CDKL5: variants seen among roughly 807,000 people sequenced by gnomAD.
The protein encoded by CDKL5 is cyclin dependent kinase like 5.
CDKL5 carries 8 observed loss-of-function variants against 61.7 expected under a neutral mutation model. The observed-to-expected ratio is 0.13, with a 90% CI of 0.08 to 0.23. The LOEUF is 0.23. Among genes scored for constraint, CDKL5 ranks in the 10% least tolerant of loss-of-function variants. CDKL5 has a pLI of 1.00. For synonymous variants in CDKL5, 275 were observed against 272.3 expected, an observed-to-expected ratio of 1.01 and a Z score of -0.10; for missense variants, 440 against 734.5, an observed-to-expected ratio of 0.60 and a Z score of 4.63.
intron 8 of CDKL5, among the ~76,000 whole-genome samples, chrX:18,585,750 C>T (rs1278999444): frequency 8.9e-6 from 1 of 111,912 alleles, no homozygotes; most frequent in African/African-American, 3.2e-5. Context: ...CACCCAAAAA[C>T]AGATAATTTA....
chrX:18,615,249 G>A (rs747434813), intron 15 of CDKL5, among the ~76,000 whole-genome samples: 3 of 111,314 alleles, frequency 2.7e-5, no homozygotes, highest in African/African-American at 9.8e-5. Flanking sequence ...TTCCTTCATC[G>A]CATCTCACTT....
At chrX:18,648,236 CCTT>C (rs1345236564) in intron 20 of CDKL5, among the ~76,000 whole-genome samples, 7 of 109,063 alleles carry the variant, frequency 6.4e-5, no homozygotes, top group Non-Finnish European at 1.1e-4. Flanking sequence ...TTCATTCTCC[CCTT>C]CTTCTCCTTT....
At chrX:18,477,666 C>T (rs1042151768) in intron 1 of CDKL5, among the ~76,000 whole-genome samples, 3 of 111,017 alleles carry the variant, frequency 2.7e-5, no homozygotes, top group African/African-American at 9.8e-5. Context: ...TCAGAATCTA[C>T]TTCAGATGTA....
intron 1 of CDKL5, among the ~76,000 whole-genome samples, chrX:18,444,730 T>G (rs1931833274): frequency 8.9e-6 from 1 of 112,992 alleles, no homozygotes; most frequent in Non-Finnish European, 1.9e-5. Context: ...TTTGGACATT[T>G]AAAAATATAG....
At chrX:18,507,352 C>T (rs1401985322) in intron 2 of CDKL5, among the ~76,000 whole-genome samples, 192 bp downstream of exon 2, 1 of 110,424 alleles carries the variant, frequency 9.1e-6, no homozygotes, top group African/African-American at 3.3e-5. Flanking sequence ...AAATTAATAA[C>T]TTTTTAAAAC....
intron 1 of CDKL5, among the ~76,000 whole-genome samples, chrX:18,484,144 A>C (rs1432392981): frequency 8.9e-6 from 1 of 112,070 alleles, no homozygotes; most frequent in Non-Finnish European, 1.9e-5. Context: ...CAGATTCTGG[A>C]TTCCCTGAAA....
chrX:18,559,669 C>T (rs1372073213), intron 3 of CDKL5, among the ~76,000 whole-genome samples: 17 of 101,414 alleles, frequency 1.7e-4, no homozygotes, highest in Non-Finnish European at 4.0e-5. Flanking sequence ...TTTTAGGGTA[C>T]ATGTGCACAA....
In CDKL5 at chrX:18,576,625, TA is replaced by T. The variant is rs977101301; in HGVS notation, c.282+1147del. ...AGCCTTTACAAATTGTTTTTTGAAA[TA>T]AAAAAAAAAAATACATGTAATAATT... is the stretch of plus-strand genomic sequence containing the variant. On this transcript the variant is annotated intron_variant, in intron 5 of 17. Coordinates refer to ENST00000623535, the MANE Select transcript of CDKL5 (RefSeq NM_001323289.2). Among the ~76,000 whole-genome samples the T allele has an allele frequency of 5.3e-3, 532 of 100,625 alleles. 2 individuals are homozygous for T. The Middle Eastern group carries it at 0.055, about 10-fold the overall frequency. 87.4% of individuals were successfully genotyped at this position (100,625 alleles called of 115,157 possible). A position where few individuals can be genotyped will look rare whatever the true frequency, so the allele number is the denominator to read the frequency against.
chrX:18,536,594 C>T (rs1312231608), intron 3 of CDKL5, among the ~76,000 whole-genome samples: 1 of 107,615 alleles, frequency 9.3e-6, no homozygotes, highest in African/African-American at 3.4e-5. Context: ...TATAGACGTG[C>T]GCCACCACCC....
At chrX:18,589,852 C>T (rs1328506188) in intron 9 of CDKL5, 4 of 112,829 alleles carry the variant, frequency 3.5e-5, no homozygotes, top group African/African-American at 1.3e-4. Context: ...GATGGTATCT[C>T]ATTGTGGTTT....
chrX:18,509,095 C>T (rs12400448), intron 2 of CDKL5, among the ~76,000 whole-genome samples: 887 of 77,443 alleles, frequency 0.011, 2 homozygotes, highest in Non-Finnish European at 0.02. Context: ...TCTCAAAACA[C>T]ACACACACAC....
chrX:18,581,478 G>T (rs756270911), intron 6 of CDKL5, among the ~76,000 whole-genome samples: 2 of 111,781 alleles, frequency 1.8e-5, no homozygotes, highest in Non-Finnish European at 3.8e-5. Context: ...TAAATATAAT[G>T]CTAGCTACTT....
chrX:18,551,559 CATTATTATTATTATTATTATT>C (rs10659381), intron 3 of CDKL5, among the ~76,000 whole-genome samples: 3 of 80,951 alleles, frequency 3.7e-5, no homozygotes, highest in Non-Finnish European at 4.7e-5. Flanking sequence ...GATACCTTGA[CATTATTATTATTATTATTATT>C]ATTATTATTA....
chrX:18,543,166 A>C (rs1315091590), intron 3 of CDKL5, among the ~76,000 whole-genome samples: 1 of 110,149 alleles, frequency 9.1e-6, no homozygotes, highest in East Asian at 2.8e-4. Context: ...CCATTGCTGC[A>C]GTTTTTCCAT....
Position 18,631,913 on chromosome X carries a change from C to G in CDKL5, c.*3156C>G. On this transcript the variant is annotated 3_prime_UTR_variant, in exon 18 of 18. Transcript: ENST00000623535. ...TTCTCAACTAGGGGCAGATTTACCC[C>G]CAAGGGTACATTTGGCAATGTCTGG... The G allele has an allele frequency of 6.9e-6, 5 of 727,659 alleles. No homozygotes were observed. The highest frequency in any genetic ancestry group is 8.1e-6 in the Non-Finnish European group (5 of 615,071). 60.0% of individuals were successfully genotyped at this position (727,659 alleles called of 1,213,427 possible).
At chrX:18,536,687 C>G (rs763746806) in intron 3 of CDKL5, among the ~76,000 whole-genome samples, 1 of 109,592 alleles carries the variant, frequency 9.1e-6, no homozygotes, top group South Asian at 4.0e-4. Context: ...CTCAGGTGAT[C>G]TGCCTGCCTC....
At chrX:18,539,741 A>AT (rs1205468679) in intron 3 of CDKL5, among the ~76,000 whole-genome samples, 1 of 110,823 alleles carries the variant, frequency 9.0e-6, no homozygotes, top group Non-Finnish European at 1.9e-5. Flanking sequence ...TCATTTTCTT[A>AT]TTTTTTTGTC....
intron 12 of CDKL5, among the ~76,000 whole-genome samples, chrX:18,606,459 TGTC>T (rs1298658514): frequency 8.9e-6 from 1 of 112,370 alleles, no homozygotes; most frequent in African/African-American, 3.2e-5. Context: ...ATAGGTTCCC[TGTC>T]GTCTTAAGTG....
At chrX:18,458,768 T>G (rs1932208503) in intron 1 of CDKL5, among the ~76,000 whole-genome samples, 1 of 112,187 alleles carries the variant, frequency 8.9e-6, no homozygotes, top group Admixed American at 9.4e-5. Flanking sequence ...TCAGTTGCAC[T>G]GGCCACAGTT....
Sources: allele counts gnomAD v4.1 joint callset (sites outside exome capture counted in the v4.1 genomes callset), GRCh38; gene constraint gnomAD v4.1.1; transcripts MANE v1.5; gene names NCBI Gene and HGNC (gene_info 2026-07-23, HGNC 2026-07-21).